PIP4K2A: variants seen among roughly 807,000 people sequenced by gnomAD.
PIP4K2A encodes the protein phosphatidylinositol-5-phosphate 4-kinase type 2 alpha, also known as phosphatidylinositol 5-phosphate 4-kinase type-2 alpha.
Under a neutral mutation model 42.9 loss-of-function variants are expected in PIP4K2A, and 14 were observed. That is an observed-to-expected ratio of 0.33 (90% CI 0.22 to 0.51). The LOEUF (loss-of-function observed/expected upper bound fraction) is 0.51, where lower values mean the gene tolerates loss of function less well. Ranked by LOEUF, PIP4K2A falls within the 20% of genes least tolerant of loss-of-function variation. The pLI, the probability that PIP4K2A is intolerant of heterozygous loss-of-function variation, is 0.97. For synonymous variants in PIP4K2A, 192 were observed against 192.2 expected (o/e 1.00, Z 0.01); for missense variants, 434 against 519.8 (o/e 0.83, Z 1.61).
intron 1 of PIP4K2A, among the ~76,000 whole-genome samples, chr10:22,654,574 G>A (rs553137649): frequency 1.3e-5 from 2 of 152,298 alleles, no homozygotes; most frequent in South Asian, 2.1e-4. Context: ...TGAAGCTGTC[G>A]CTGAGAAACA....
At chr10:22,538,574 A>G (rs1836000103) in intron 9 of PIP4K2A, among the ~76,000 whole-genome samples, 1 of 152,196 alleles carries the variant, frequency 6.6e-6, no homozygotes, top group Admixed American at 6.5e-5. Context: ...TCAAACGAGG[A>G]TTCCTCGCCA....
chr10:22,562,614 G>A (rs563930873), intron 6 of PIP4K2A, among the ~76,000 whole-genome samples: 2 of 152,256 alleles, frequency 1.3e-5, no homozygotes, highest in African/African-American at 4.8e-5. Flanking sequence ...TTTAACAAAC[G>A]TTTCTAGAGT....
At chr10:22,581,803 T>A (rs772527019) in intron 4 of PIP4K2A, among the ~76,000 whole-genome samples, 19 of 152,160 alleles carry the variant, frequency 1.2e-4, no homozygotes, top group Admixed American at 5.9e-4. Flanking sequence ...CACTTTTTTC[T>A]GTCTTTTTTT....
At chr10:22,673,825 C>A (rs1839503083) in intron 1 of PIP4K2A, among the ~76,000 whole-genome samples, 1 of 151,980 alleles carries the variant, frequency 6.6e-6, no homozygotes, top group South Asian at 2.1e-4. Context: ...TTATTCATAC[C>A]ACTATTTAAT....
chr10:22,709,355 T>G (rs757055118), intron 1 of PIP4K2A, among the ~76,000 whole-genome samples: 9 of 152,184 alleles, frequency 5.9e-5, no homozygotes, highest in Non-Finnish European at 1.2e-4. Flanking sequence ...GAGGCTCAAG[T>G]GACTAAATCA....
At chr10:22,702,354 T>A (rs1191863851) in intron 1 of PIP4K2A, among the ~76,000 whole-genome samples, 1 of 152,226 alleles carries the variant, frequency 6.6e-6, no homozygotes, top group Non-Finnish European at 1.5e-5. Context: ...AATACTACAA[T>A]TTTTAGAGGC....
At chr10:22,635,150 A>G (rs1177527498) in intron 1 of PIP4K2A, among the ~76,000 whole-genome samples, 1 of 152,152 alleles carries the variant, frequency 6.6e-6, no homozygotes, top group Non-Finnish European at 1.5e-5. Context: ...TCTGTATCAT[A>G]CTATTAATAT....
intron 1 of PIP4K2A, among the ~76,000 whole-genome samples, chr10:22,677,998 AAATG>A (rs1413236774): frequency 3.9e-5 from 6 of 152,216 alleles, no homozygotes; most frequent in Admixed American, 3.9e-4. Flanking sequence ...TGGCTCCTCT[AAATG>A]AATAGCTGAC....
At chr10:22,567,628 A>G (rs1319224453) in intron 6 of PIP4K2A, 1 of 716,738 alleles carries the variant, frequency 1.4e-6, no homozygotes, top group Non-Finnish European at 2.6e-6. Flanking sequence ...CCTTCCAACC[A>G]TGCTTGCAAC....
intron 1 of PIP4K2A, among the ~76,000 whole-genome samples, chr10:22,629,871 G>A (rs1345519604): frequency 6.6e-6 from 1 of 152,286 alleles, no homozygotes; most frequent in South Asian, 2.1e-4. Flanking sequence ...GAGCAGGGGA[G>A]CCCTCCTTTC....
At chr10:22,676,705 G>A (rs778650749) in intron 1 of PIP4K2A, among the ~76,000 whole-genome samples, 1 of 152,170 alleles carries the variant, frequency 6.6e-6, no homozygotes, top group Non-Finnish European at 1.5e-5. Flanking sequence ...GCTTAACTGG[G>A]CAACTGCTAT....
At chr10:22,611,310 T>C (rs988944008) in intron 1 of PIP4K2A, among the ~76,000 whole-genome samples, 1 of 151,952 alleles carries the variant, frequency 6.6e-6, no homozygotes, top group Non-Finnish European at 1.5e-5. Context: ...AGATCACTTG[T>C]ATCCAGGATT....
intron 5 of PIP4K2A, chr10:22,569,129 G>C: frequency 9.4e-7 from 1 of 1,067,220 alleles, no homozygotes; most frequent in Non-Finnish European, 1.4e-6. Context: ...TGAGCTTCCT[G>C]CAATTCACAG....
chr10:22,646,761 G>A (rs1394594856), intron 1 of PIP4K2A, among the ~76,000 whole-genome samples: 1 of 152,140 alleles, frequency 6.6e-6, no homozygotes, highest in African/African-American at 2.4e-5. Flanking sequence ...GCACCCACCT[G>A]TGGAGTCTGA....
chr10:22,596,915 A>G (rs1005600149), intron 3 of PIP4K2A, among the ~76,000 whole-genome samples: 7 of 152,194 alleles, frequency 4.6e-5, no homozygotes, highest in African/African-American at 1.7e-4. Flanking sequence ...GCTCCAGAGT[A>G]TGGTGGGCAT....
chr10:22,567,784 G>C (rs149473895), intron 6 of PIP4K2A, 67 bp downstream of exon 6: 63 of 1,312,498 alleles, frequency 4.8e-5, no homozygotes, highest in African/African-American at 3.2e-4. Flanking sequence ...GAAATAAAGA[G>C]TAAAGGTGAT....
chr10:22,714,319 G>A lies in PIP4K2A; in HGVS notation c.8C>T (p.Thr3Ile), dbSNP rs1345376056. The A allele has an allele frequency of 6.2e-7, 1 of 1,604,172 alleles. No individual in the cohort carries two copies. Among genetic ancestry groups the A allele is most frequent in the Non-Finnish European group, 8.5e-7 (1 of 1,175,292 alleles). ...GACAGAGGACCCTAGGTTGCCGGGG[G>A]TCGCCATGGCCGCCTCCTATGTCCC... MA[T>I]PGNLGSSVLA... is the part of the protein sequence containing the mutation. Residue 3 changes from threonine (T) to isoleucine (I), a missense_variant, in exon 1 of 10, where the codon ACC becomes ATC. By Grantham distance (89) the Thr-to-Ile change is moderately conservative (BLOSUM62 -1). Around this residue, in one of 2 missense-constraint regions of PIP4K2A, gnomAD observed 395 missense variants for 444.5 expected, o/e 0.89. Coordinates refer to ENST00000376573, the MANE Select transcript of PIP4K2A (RefSeq NM_005028.5).
At chr10:22,586,826 T>C (rs943603733) in intron 4 of PIP4K2A, among the ~76,000 whole-genome samples, 1 of 152,216 alleles carries the variant, frequency 6.6e-6, no homozygotes, top group African/African-American at 2.4e-5. Context: ...CCACTGCGCC[T>C]GGCCCATTTA....
intron 1 of PIP4K2A, among the ~76,000 whole-genome samples, chr10:22,643,924 G>T (rs532410728): frequency 6.6e-6 from 1 of 152,058 alleles, no homozygotes; most frequent in Non-Finnish European, 1.5e-5. Context: ...CCCTTGGAGG[G>T]TTTATCATCC....
Sources: gnomAD v4.1 joint callset for allele counts (sites outside exome capture counted in the v4.1 genomes callset) on GRCh38, gnomAD v4.1.1 for gene constraint, gnomAD v4.1.1 regional missense constraint, MANE v1.5 for transcripts, NCBI Gene and HGNC (gene_info 2026-07-23, HGNC 2026-07-21) for gene names.